Variants in FGF13 observed in about 807,000 individuals in gnomAD.
FGF13 encodes fibroblast growth factor homologous factor 2.
FGF13 carries 2 observed loss-of-function variants against 19.5 expected under a neutral mutation model. The ratio of observed to expected loss-of-function variants is 0.10; its 90% CI spans 0.04 to 0.32. The LOEUF (loss-of-function observed/expected upper bound fraction) is 0.32, where lower values mean the gene tolerates loss of function less well. FGF13 is among the 10% of genes least tolerant of loss of function. The pLI, the probability that FGF13 is intolerant of heterozygous loss-of-function variation, is 1.00. For synonymous variants in FGF13, 72 were observed against 76.9 expected, an observed-to-expected ratio of 0.94 and a Z score of 0.33; for missense variants, 113 against 192.7, an observed-to-expected ratio of 0.59 and a Z score of 2.45.
chrX:138,923,592 G>A (rs976287026), intron 1 of FGF13, among the ~76,000 whole-genome samples: 4 of 111,056 alleles, frequency 3.6e-5, no homozygotes, highest in Non-Finnish European at 7.6e-5. Context: ...CCTTGTTGCC[G>A]CCCATTTGAC....
chrX:138,907,076 G>T (rs1440603067), intron 1 of FGF13, among the ~76,000 whole-genome samples: 2 of 111,323 alleles, frequency 1.8e-5, no homozygotes, highest in Non-Finnish European at 3.8e-5. Flanking sequence ...ATTCAAGTTG[G>T]CTAGGACGGT....
At chrX:138,911,470 T>G (rs1178472448) in intron 1 of FGF13, among the ~76,000 whole-genome samples, 1 of 108,145 alleles carries the variant, frequency 9.2e-6, no homozygotes, top group African/African-American at 3.4e-5. Flanking sequence ...CAGAGAGTGG[T>G]GGGGGGAGGC....
intron 1 of FGF13, among the ~76,000 whole-genome samples, chrX:138,963,414 A>T (rs1458142758): frequency 2.7e-5 from 3 of 112,006 alleles, no homozygotes; most frequent in Admixed American, 9.4e-5. Context: ...GGCCTATGTG[A>T]CTCCCCTGGC....
At chrX:138,814,832 A>G (rs189377175) in intron 3 of FGF13, among the ~76,000 whole-genome samples, 13 of 110,960 alleles carry the variant, frequency 1.2e-4, no homozygotes, top group Non-Finnish European at 2.3e-4. Context: ...CAGTAATTCC[A>G]TTTCTGGATA....
At position 139,107,598 on chromosome X, in the gene FGF13, G is replaced by C. The variant is rs1276657001; in HGVS notation, c.-113+95818C>G. ...AGAATGAGAGAAATATGGAGGAAAGGAGGGAAAGGAGAGAGGGAGGAAAGG... is the reference window on the plus strand; with the variant it reads ...AGAATGAGAGAAATATGGAGGAAAGCAGGGAAAGGAGAGAGGGAGGAAAGG... On this transcript the variant is annotated intron_variant, in intron 1 of 2. Transcript: ENST00000421460. Among the ~76,000 whole-genome samples the C allele has an allele frequency of 1.3e-4, 14 of 111,047 alleles. No individual in the cohort carries two copies. In the South Asian group the frequency reaches 5.1e-3, roughly 40 times the overall value.
At chrX:139,161,122 G>A (rs1309505261) in intron 1 of FGF13, among the ~76,000 whole-genome samples, 2 of 111,935 alleles carry the variant, frequency 1.8e-5, no homozygotes, top group African/African-American at 6.5e-5. Flanking sequence ...AATGAATCTA[G>A]CAGCACATTA....
At chrX:138,699,116 T>C (rs927355853) in intron 3 of FGF13, among the ~76,000 whole-genome samples, 5 of 111,460 alleles carry the variant, frequency 4.5e-5, no homozygotes, top group African/African-American at 1.6e-4. Context: ...TCTACTTTAA[T>C]GGAAAAATGC....
At chrX:139,063,539 C>T (rs747419962) in intron 1 of FGF13, among the ~76,000 whole-genome samples, 1 of 111,230 alleles carries the variant, frequency 9.0e-6, no homozygotes, top group Admixed American at 9.6e-5. Flanking sequence ...GCTAGATAAC[C>T]TTTATCAGGT....
At chrX:138,937,455 G>A (rs766697872) in intron 1 of FGF13, among the ~76,000 whole-genome samples, 1 of 112,027 alleles carries the variant, frequency 8.9e-6, no homozygotes, top group Non-Finnish European at 1.9e-5. Context: ...ACCACTAGCT[G>A]CATGTAAGCA....
intron 3 of FGF13, among the ~76,000 whole-genome samples, chrX:138,766,145 A>T (rs1201902093): frequency 8.9e-6 from 1 of 112,167 alleles, no homozygotes; most frequent in Non-Finnish European, 1.9e-5. Flanking sequence ...CAATACTTAC[A>T]TTTTTTAAAG....
At chrX:138,818,649 A>G (rs1289026907) in intron 3 of FGF13, among the ~76,000 whole-genome samples, 1 of 110,256 alleles carries the variant, frequency 9.1e-6, no homozygotes, top group Admixed American at 9.8e-5. Context: ...ACAGCACCCC[A>G]GACTGTCAGC....
chrX:138,927,055 T>C (rs2091677943), intron 1 of FGF13, among the ~76,000 whole-genome samples: 1 of 111,606 alleles, frequency 9.0e-6, no homozygotes, highest in Non-Finnish European at 1.9e-5. Flanking sequence ...GCCAAGATGA[T>C]TTATTTAGGG....
At chrX:138,964,458 G>A (rs1203781285) in intron 1 of FGF13, among the ~76,000 whole-genome samples, 5 of 111,705 alleles carry the variant, frequency 4.5e-5, no homozygotes, top group Non-Finnish European at 9.4e-5. Flanking sequence ...GTGATCAGGT[G>A]TCTTAGAGAT....
intron 3 of FGF13, among the ~76,000 whole-genome samples, chrX:138,702,414 T>C (rs2124234021): frequency 9.0e-6 from 1 of 111,551 alleles, no homozygotes; most frequent in Non-Finnish European, 1.9e-5. Context: ...AAAAGTTCCA[T>C]TTTTCATTCT....
chrX:139,063,595 C>T lies in FGF13; in HGVS notation c.-113+139821G>A, dbSNP rs1050020119. Among the ~76,000 whole-genome samples the T allele has an allele frequency of 7.2e-5, 8 of 110,894 alleles. No individual in the cohort carries two copies. In the East Asian group the frequency reaches 1.4e-3, roughly 20 times the overall value. On this transcript the variant is annotated intron_variant, in intron 1 of 2. Transcript: ENST00000421460. The stretch of plus-strand genomic sequence containing the variant: ...GTCAGGTGGCTTAATGTTTATTTTT[C>T]GAAATTTATAGAGTGTTTTATGTAC...
chrX:138,948,744 G>C (rs1172917303), intron 1 of FGF13, among the ~76,000 whole-genome samples: 1 of 111,810 alleles, frequency 8.9e-6, no homozygotes, highest in Non-Finnish European at 1.9e-5. Flanking sequence ...TCCTAGTGTA[G>C]ACAACTGAAT....
At chrX:138,736,882 C>T (rs190168430) in intron 1 of FGF13, among the ~76,000 whole-genome samples, 18 of 109,892 alleles carry the variant, frequency 1.6e-4, no homozygotes, top group African/African-American at 4.6e-4. Flanking sequence ...GAAAAGAACA[C>T]GAAAGGACCT....
intron 3 of FGF13, among the ~76,000 whole-genome samples, chrX:138,828,257 G>A (rs1281239266): frequency 9.4e-6 from 1 of 106,074 alleles, no homozygotes; most frequent in Non-Finnish European, 1.9e-5. Flanking sequence ...TGAATCTATT[G>A]CTCACTCTGC....
chrX:138,665,422 T>C lies in FGF13; in HGVS notation c.403-29767A>G, dbSNP rs146908744. On this transcript the variant is annotated intron_variant, in intron 3 of 4. Transcript: ENST00000315930. ...AGTGTTCCTGACTGGATAGAGGAGA[T>C]AGTAGGGGAGCTGTTTCCTGTGCCT... is the stretch of plus-strand genomic sequence containing the variant. 3.8e-3 allele frequency among the ~76,000 whole-genome samples: 421 copies of C among 111,349 alleles called. 2 individuals are homozygous for C. Among genetic ancestry groups the C allele is most frequent in the Non-Finnish European group, 3.7e-3 (195 of 52,964 alleles).
Sources: allele counts gnomAD v4.1 joint callset (sites outside exome capture counted in the v4.1 genomes callset), GRCh38; gene constraint gnomAD v4.1.1; transcripts MANE v1.5; gene names NCBI Gene and HGNC (gene_info 2026-07-23, HGNC 2026-07-21).